CCDC144A: variants seen among roughly 807,000 people sequenced by gnomAD.
CCDC144A encodes the protein coiled-coil domain-containing protein 144A.
CCDC144A carries 41 observed loss-of-function variants against 143.8 expected under a neutral mutation model. The observed-to-expected ratio is 0.29, with a 90% CI of 0.22 to 0.37. CCDC144A has a LOEUF of 0.37. Among genes scored for constraint, CCDC144A ranks in the 10% least tolerant of loss-of-function variants. CCDC144A has a pLI of 1.00. For synonymous variants in CCDC144A, 242 were observed against 517.9 expected (o/e 0.47, Z 7.23); for missense variants, 637 against 1,488.8 (o/e 0.43, Z 9.41).
intron 11 of CCDC144A, among the ~76,000 whole-genome samples, chr17:16,733,130 G>A (rs1913824914): frequency 6.6e-6 from 1 of 151,630 alleles, no homozygotes; most frequent in African/African-American, 2.4e-5. Flanking sequence ...CTTTTGAGGA[G>A]AGTAACAGTT....
chr17:16,690,113 GC>G, upstream of CCDC144A: 3 of 268,902 alleles, frequency 1.1e-5, no homozygotes, highest in South Asian at 4.9e-4. Context: ...GAGCTGCAGC[GC>G]CACCTGCAGG....
rs1195379449 is a variant in CCDC144A, at chr17:16,709,111, A to C, written c.1054A>C (p.Ile352Leu). Residue 352 changes from isoleucine (I) to leucine (L), a missense_variant, in exon 5 of 17, where the codon ATA (isoleucine) becomes CTA (leucine). Coordinates refer to ENST00000399273, the MANE Select transcript of CCDC144A (RefSeq NM_001382000.1). Reference sequence around the variant, plus strand: ...TTGTGAGGAAGAAGATGCATCTGAAATATCTGTCTCAGTGGTATTCGAGAC... The same window carrying C: ...TTGTGAGGAAGAAGATGCATCTGAACTATCTGTCTCAGTGGTATTCGAGAC... ...PGCEEEDASEISVSVVFETFP... is the reference protein window; with the variant it reads ...PGCEEEDASELSVSVVFETFP... 1 of 1,611,616 alleles carries C rather than the reference A, an allele frequency of 6.2e-7. No homozygotes were observed. The highest frequency in any genetic ancestry group is 8.5e-7 in the Non-Finnish European group (1 of 1,179,652).
At chr17:16,715,878 G>A (rs1278336014) in intron 6 of CCDC144A, among the ~76,000 whole-genome samples, 2 of 152,198 alleles carry the variant, frequency 1.3e-5, no homozygotes, top group South Asian at 2.1e-4. Context: ...GGATTGGAGC[G>A]AGTTTGTGTT....
chr17:16,723,391 C>G (rs1463059228), intron 8 of CCDC144A, among the ~76,000 whole-genome samples: 12 of 151,752 alleles, frequency 7.9e-5, no homozygotes, highest in Non-Finnish European at 1.5e-4. Context: ...TTATGATCAA[C>G]CTGGCTAGAG....
intron 6 of CCDC144A, among the ~76,000 whole-genome samples, chr17:16,715,980 T>G (rs1912729281): frequency 6.6e-6 from 1 of 152,242 alleles, no homozygotes; most frequent in Non-Finnish European, 1.5e-5. Context: ...TATTTACAAC[T>G]GGCTGTGGGT....
chr17:16,722,420 C>T (rs979334399), intron 8 of CCDC144A, among the ~76,000 whole-genome samples: 2 of 152,058 alleles, frequency 1.3e-5, no homozygotes, highest in African/African-American at 4.8e-5. Flanking sequence ...GAGATTATCC[C>T]TGTACTCCCT....
chr17:16,688,484 G>GTTTTTTTTT (rs66493875), upstream of CCDC144A, among the ~76,000 whole-genome samples: 23 of 71,616 alleles, frequency 3.2e-4, no homozygotes, highest in African/African-American at 1.1e-3. Flanking sequence ...TTCTTTTTCT[G>GTTTTTTTTT]TTTTTTTTTT....
intron 8 of CCDC144A, among the ~76,000 whole-genome samples, chr17:16,725,689 G>A (rs1322642368): frequency 6.7e-6 from 1 of 148,478 alleles, no homozygotes; most frequent in Non-Finnish European, 1.5e-5. Context: ...TGCTGCTTGG[G>A]TGATGGGTGC....
Position 16,776,052 on chromosome 17 carries a change from C to G in CCDC144A, c.*2419C>G, listed in dbSNP as rs1915991767. 1 of 152,186 alleles carries G rather than the reference C, an allele frequency of 6.6e-6. No individual in the cohort carries two copies. Among genetic ancestry groups the G allele is most frequent in the South Asian group, 2.1e-4 (1 of 4,826 alleles). The allele number at this position is 152,186 out of a possible 1,614,324, so 9.4% of individuals were successfully genotyped here. A position where few individuals can be genotyped will look rare whatever the true frequency, so the allele number is the denominator to read the frequency against. On this transcript the variant is annotated 3_prime_UTR_variant, in exon 17 of 17. Coordinates refer to ENST00000399273, the MANE Select transcript of CCDC144A (RefSeq NM_001382000.1). ...TTATTTCTGGGTTCTCTATTCTGTT[C>G]CATTGGTCTATGTGTCGGTTCTTGT... is the stretch of plus-strand genomic sequence containing the variant.
rs1424740780 is a variant in CCDC144A, at chr17:16,690,729, G to A, written c.329G>A (p.Arg110Lys). 6.2e-7 allele frequency: 1 copy of A among 1,605,328 alleles called. No individual in the cohort carries two copies. The highest frequency in any genetic ancestry group is 1.1e-5 in the South Asian group (1 of 90,852). ...CCTGGAGACACTGGCGTGGACAAGA[G>A]GGATAGGAAGAAGAGGTAATGGCCA... ...LAPGDTGVDK[R>K]DRKKSIQQLV... The change falls in exon 1 of 17, where the codon AGG becomes AAG. Residue 110 changes from arginine to lysine, a missense_variant. By Grantham distance (26) the Arg-to-Lys change is conservative. Coordinates refer to ENST00000399273, the MANE Select transcript of CCDC144A (RefSeq NM_001382000.1).
chr17:16,713,581 TCTC>T (rs1215075674), intron 6 of CCDC144A, among the ~76,000 whole-genome samples: 1 of 152,202 alleles, frequency 6.6e-6, no homozygotes, highest in Non-Finnish European at 1.5e-5. Flanking sequence ...AAGAAATACT[TCTC>T]CTGAAACTTT....
the CCDC144A span, among the ~76,000 whole-genome samples, chr17:16,670,681 T>C: frequency 3.3e-5 from 5 of 151,738 alleles, no homozygotes; most frequent in Non-Finnish European, 7.4e-5. Flanking sequence ...CTAATTTTTA[T>C]ATTGTTTTAT....
Position 16,690,444 on chromosome 17 carries a change from C to T in CCDC144A, c.44C>T (p.Ser15Phe), listed in dbSNP as rs1910981574. 1 of 1,607,470 alleles carries T rather than the reference C, an allele frequency of 6.2e-7. No homozygotes were observed. Among genetic ancestry groups the T allele is most frequent in the African/African-American group, 1.3e-5 (1 of 74,740 alleles). ...GAAAAGCGGGGAGGGGCTGAGGGGTCTCCGAAGCCGGCAGTCTACGCCACG... is the reference window on the plus strand; with the variant it reads ...GAAAAGCGGGGAGGGGCTGAGGGGTTTCCGAAGCCGGCAGTCTACGCCACG... ...GGEKRGGAEG[S>F]PKPAVYATRK... The change falls in exon 1 of 17, where the codon TCT becomes TTT. Residue 15 changes from serine (S) to phenylalanine (F), a missense_variant. Ser to Phe is a radical substitution (Grantham distance 155, BLOSUM62 -2). Coordinates refer to ENST00000399273, the MANE Select transcript of CCDC144A (RefSeq NM_001382000.1).
the CCDC144A span, among the ~76,000 whole-genome samples, chr17:16,667,644 GTC>G: frequency 1.3e-5 from 2 of 152,032 alleles, no homozygotes; most frequent in Admixed American, 6.6e-5. Context: ...TTCTTACTCT[GTC>G]TCTGTTTTTG....
At chr17:16,772,073 A>G in intron 16 of CCDC144A, 54 bp downstream of exon 16, 6 of 1,307,564 alleles carry the variant, frequency 4.6e-6, no homozygotes, top group Non-Finnish European at 5.3e-6. Flanking sequence ...TATATCTGAA[A>G]TAAACTGCAA....
At position 16,735,459 on chromosome 17, in the gene CCDC144A, C is replaced by G. The variant is rs1442435974; in HGVS notation, c.3188C>G (p.Ala1063Gly). 1 of 1,610,980 alleles carries G rather than the reference C, an allele frequency of 6.2e-7. No homozygotes were observed. Among genetic ancestry groups the G allele is most frequent in the South Asian group, 1.1e-5 (1 of 90,994 alleles). The change falls in exon 12 of 17, where the codon GCT (alanine) becomes GGT (glycine). Residue 1063 changes from alanine to glycine, a missense_variant. Transcript: ENST00000399273. ...RQQLDDAHKK[A>G]NSQEKTSSTI... is the part of the protein sequence containing the mutation. ...CAACTGGATGATGCTCACAAGAAAG[C>G]TAACAGTCAAGAAAAGACAAGCAGT...
rs1252617308 is a variant in CCDC144A, at chr17:16,776,130, G to A, written c.*2497G>A. 1 of 152,252 alleles carries A rather than the reference G, an allele frequency of 6.6e-6. No individual in the cohort carries two copies. The highest frequency in any genetic ancestry group is 1.5e-5 in the Non-Finnish European group (1 of 68,080). 9.4% of individuals were successfully genotyped at this position (152,252 alleles called of 1,614,324 possible). On this transcript the variant is annotated 3_prime_UTR_variant, in exon 17 of 17. Coordinates refer to ENST00000399273, the MANE Select transcript of CCDC144A (RefSeq NM_001382000.1). Reference sequence around the variant, plus strand: ...TAGTCTTGTAGTATGTTTGAAGCTGGGTAGCATGATGCCTCTAGCTTTGCT... The same window carrying A: ...TAGTCTTGTAGTATGTTTGAAGCTGAGTAGCATGATGCCTCTAGCTTTGCT...
the CCDC144A span, among the ~76,000 whole-genome samples, chr17:16,678,758 T>G: frequency 2.0e-5 from 3 of 147,068 alleles, no homozygotes; most frequent in South Asian, 2.2e-4. Context: ...TTTGTTTTTT[T>G]TTTTTTTTTT....
Position 16,709,380 on chromosome 17 carries a change from A to G in CCDC144A, c.1323A>G (p.Lys441=). ...RNPEVVMVEM[K]EDQEFDLQMT... is the part of the protein sequence containing the mutation. ...CAGAAGTGGTTATGGTTGAAATGAA[A>G]GAAGACCAAGAGTTTGATTTGCAAA... The change falls in exon 5 of 17, where the codon AAA becomes AAG. Residue 441 remains lysine, a synonymous_variant. Coordinates refer to ENST00000399273, the MANE Select transcript of CCDC144A (RefSeq NM_001382000.1). 6.2e-7 allele frequency: 1 copy of G among 1,611,716 alleles called. No individual in the cohort carries two copies. The highest frequency in any genetic ancestry group is 2.2e-5 in the East Asian group (1 of 44,854).
Sources: allele counts gnomAD v4.1 joint callset (sites outside exome capture counted in the v4.1 genomes callset), GRCh38; gene constraint gnomAD v4.1.1; transcripts MANE v1.5; gene names NCBI Gene and HGNC (gene_info 2026-07-23, HGNC 2026-07-21).